Variants in USP44 observed in about 807,000 individuals in gnomAD.
USP44 encodes ubiquitin carboxyl-terminal hydrolase 44.
USP44 carries 61 observed loss-of-function variants against 69.0 expected under a neutral mutation model. The observed-to-expected ratio is 0.88, with a 90% CI of 0.72 to 1.09. The LOEUF (loss-of-function observed/expected upper bound fraction) is 1.09. Ranked by LOEUF, USP44 falls within the 50% of genes least tolerant of loss-of-function variation. USP44 has a pLI of 0.00. For missense variants in USP44, 753 were observed against 849.9 expected, an observed-to-expected ratio of 0.89 and a Z score of 1.42; for synonymous variants, 297 against 295.4, an observed-to-expected ratio of 1.01 and a Z score of -0.06.
In USP44 at chr12:95,517,247, AT is replaced by A. The variant is rs1020620732; in HGVS notation, c.*906del. 3.3e-5 allele frequency: 5 copies of A among 152,072 alleles called. No individual in the cohort carries two copies. Among genetic ancestry groups the A allele is most frequent in the Admixed American group, 3.3e-4 (5 of 15,270 alleles). 9.4% of individuals were successfully genotyped at this position (152,072 alleles called of 1,614,324 possible). On this transcript the variant is annotated 3_prime_UTR_variant, in exon 6 of 6. Transcript: ENST00000258499. ...GTCCAGTTGCCAATTTTGAACACTT[AT>A]CTTTTCTGCCCTATAATTTTTTCTC...
intron 1 of USP44, among the ~76,000 whole-genome samples, chr12:95,549,124 C>G (rs769209425): frequency 1.3e-5 from 2 of 152,234 alleles, no homozygotes; most frequent in Non-Finnish European, 2.9e-5. Flanking sequence ...GAATCATCCA[C>G]GGACGTCGTT....
chr12:95,528,388 A>G (rs988065437), intron 3 of USP44, among the ~76,000 whole-genome samples: 1 of 152,232 alleles, frequency 6.6e-6, no homozygotes, highest in African/African-American at 2.4e-5. Context: ...AGTCCTGCAT[A>G]TATTATTTCC....
intron 3 of USP44, 143 bp from the exon 4 acceptor site, chr12:95,524,931 G>A (rs1354114906): frequency 2.8e-6 from 2 of 719,154 alleles, no homozygotes; most frequent in East Asian, 6.4e-5. Context: ...ATAGACATGG[G>A]CTTTGCCCTC....
intron 1 of USP44, among the ~76,000 whole-genome samples, chr12:95,549,812 A>T (rs1345782188): frequency 6.6e-6 from 1 of 152,162 alleles, no homozygotes; most frequent in East Asian, 1.9e-4. Flanking sequence ...TATTCACAGC[A>T]TATTATCCAA....
At chr12:95,544,789 A>T (rs139631891) in intron 1 of USP44, among the ~76,000 whole-genome samples, 2 of 152,158 alleles carry the variant, frequency 1.3e-5, no homozygotes, top group African/African-American at 4.8e-5. Context: ...CTGAGATAAC[A>T]TTTTCATTAA....
rs1411911886 is a variant in USP44, at chr12:95,534,079, G to GCA, written c.177_178insTG (p.His60CysfsTer14). ...ACAGGATGACTGCTTTCTTGAAAGT[G>GCA]CTTGAGTGCATGCTCTTCAATATAT... On this transcript the variant is annotated frameshift_variant, in exon 2 of 6. Coordinates refer to ENST00000258499, the MANE Select transcript of USP44 (RefSeq NM_032147.5). LOFTEE classifies it high-confidence loss of function. 6.2e-7 allele frequency: 1 copy of GCA among 1,614,172 alleles called. No homozygotes were observed. Among genetic ancestry groups the GCA allele is most frequent in the Non-Finnish European group, 8.5e-7 (1 of 1,180,036 alleles).
intron 1 of USP44, among the ~76,000 whole-genome samples, chr12:95,537,399 A>C (rs901494683): frequency 6.6e-6 from 1 of 151,912 alleles, no homozygotes; most frequent in African/African-American, 2.4e-5. Flanking sequence ...GCTCACTGCA[A>C]CCTCCACCTC....
intron 1 of USP44, among the ~76,000 whole-genome samples, chr12:95,537,204 T>C (rs1400054042): frequency 6.6e-6 from 1 of 152,194 alleles, no homozygotes; most frequent in African/African-American, 2.4e-5. Flanking sequence ...TTTACTCAAT[T>C]TGGAGGTTAA....
chr12:95,534,055 C>G lies in USP44; in HGVS notation c.202G>C (p.Val68Leu). ...TACATCTCATTCACCTCCAATGCAA[C>G]AGGATGACTGCTTTCTTGAAAGTGC... ...LKHFQESSHP[V>L]ALEVNEMYVF... Residue 68 changes from valine to leucine, a missense_variant, in exon 2 of 6, where the codon GTT becomes CTT. By Grantham distance (32) the Val-to-Leu change is conservative (BLOSUM62 1). Coordinates refer to ENST00000258499, the MANE Select transcript of USP44 (RefSeq NM_032147.5). 1.2e-6 allele frequency: 2 copies of G among 1,614,174 alleles called. No homozygotes were observed. Among genetic ancestry groups the G allele is most frequent in the Non-Finnish European group, 1.7e-6 (2 of 1,180,026 alleles).
chr12:95,525,029 A>G (rs1367372811), intron 3 of USP44, among the ~76,000 whole-genome samples: 1 of 152,202 alleles, frequency 6.6e-6, no homozygotes, highest in East Asian at 1.9e-4. Flanking sequence ...TTTAATAATA[A>G]TCTTGCATAT....
intron 1 of USP44, among the ~76,000 whole-genome samples, chr12:95,538,159 G>A (rs535212737): frequency 5.3e-5 from 8 of 152,212 alleles, no homozygotes; most frequent in South Asian, 2.1e-4. Context: ...AACGGTGAGC[G>A]AGCACACACT....
intron 1 of USP44, among the ~76,000 whole-genome samples, chr12:95,536,325 G>A (rs1021811142): frequency 3.9e-5 from 6 of 152,002 alleles, no homozygotes; most frequent in African/African-American, 7.2e-5. Context: ...TTACAAGCGT[G>A]AGCCACCGTG....
chr12:95,528,625 A>G (rs1202894082), intron 3 of USP44, among the ~76,000 whole-genome samples, 182 bp downstream of exon 3: 1 of 152,222 alleles, frequency 6.6e-6, no homozygotes, highest in East Asian at 1.9e-4. Context: ...AATTCCATCA[A>G]TATGGCCAAA....
rs778397176 is a variant in USP44, at chr12:95,521,239, A to G, written c.1734-37T>C. On this transcript the variant is annotated intron_variant, in intron 4 of 5. Coordinates refer to ENST00000258499, the MANE Select transcript of USP44 (RefSeq NM_032147.5). ...CCAGTGTAAAATTATCCACACAATT[A>G]AGGGAAAATAACCACGTACTAGGTC... 20 of 1,606,058 alleles carry G rather than the reference A, an allele frequency of 1.2e-5. No individual in the cohort carries two copies. The East Asian group carries it at 4.5e-4, about 36-fold the overall frequency.
intron 1 of USP44, among the ~76,000 whole-genome samples, chr12:95,537,314 A>ATTTTTTT: frequency 6.6e-6 from 1 of 152,102 alleles, no homozygotes; most frequent in South Asian, 2.1e-4. Flanking sequence ...ATAGAAAATA[A>ATTTTTTT]TTTTTATATT....
rs2076476093 is a variant in USP44, at chr12:95,516,567, G to C, written c.*1587C>G. On this transcript the variant is annotated 3_prime_UTR_variant, in exon 6 of 6. Coordinates refer to ENST00000258499, the MANE Select transcript of USP44 (RefSeq NM_032147.5). The stretch of plus-strand genomic sequence containing the variant: ...GAAAAGAGTAGACTCTGGTTATCTT[G>C]ACCATGTAAATTTTTAATGAGGTAT... The C allele has an allele frequency of 6.6e-6, 1 of 152,124 alleles. No individual in the cohort carries two copies. Among genetic ancestry groups the C allele is most frequent in the Non-Finnish European group, 1.5e-5 (1 of 68,026 alleles). The allele number at this position is 152,124 out of a possible 1,614,324, so 9.4% of individuals were successfully genotyped here.
chr12:95,546,380 T>C (rs1350598999), intron 1 of USP44: 2 of 152,226 alleles, frequency 1.3e-5, no homozygotes, highest in Non-Finnish European at 2.9e-5. Flanking sequence ...TTCTTCCTAA[T>C]AAAGTTTTTT....
chr12:95,543,074 G>A (rs2077442865), intron 1 of USP44, among the ~76,000 whole-genome samples: 1 of 147,056 alleles, frequency 6.8e-6, no homozygotes, highest in Non-Finnish European at 1.5e-5. Flanking sequence ...GGTGACAGAA[G>A]GAGACTCTGT....
rs1555197724 is a variant in USP44, at chr12:95,524,802, G to A, written c.1625-14C>T. The A allele has an allele frequency of 2.9e-5, 46 of 1,576,732 alleles. No homozygotes were observed. Among genetic ancestry groups the A allele is most frequent in the Non-Finnish European group, 3.9e-5 (45 of 1,167,110 alleles). ...TTCTACGCTTTGCTGTAACATCAAA[G>A]AAAGAATAAAAATCAAATTTCATTT... On this transcript the variant is annotated splice_polypyrimidine_tract_variant and intron_variant, in intron 3 of 5. Transcript: ENST00000258499.
Sources: gnomAD v4.1 joint callset for allele counts (sites outside exome capture counted in the v4.1 genomes callset) on GRCh38, gnomAD v4.1.1 for gene constraint, MANE v1.5 for transcripts, NCBI Gene and HGNC (gene_info 2026-07-23, HGNC 2026-07-21) for gene names.